The following ADAMTS6 variants were observed in gnomAD, a reference collection of about 807,000 sequenced individuals.
ADAMTS6 encodes A disintegrin and metalloproteinase with thrombospondin motifs 6.
ADAMTS6 carries 23 observed loss-of-function variants against 144.3 expected under a neutral mutation model. The observed-to-expected ratio is 0.16, with a 90% CI of 0.11 to 0.23. The LOEUF (loss-of-function observed/expected upper bound fraction) is 0.23, where lower values mean the gene tolerates loss of function less well. Among genes scored for constraint, ADAMTS6 ranks in the 10% least tolerant of loss-of-function variants. The pLI is 1.00. For missense variants in ADAMTS6, 999 were observed against 1,379.6 expected, an observed-to-expected ratio of 0.72 and a Z score of 4.37; for synonymous variants, 444 against 457.5, an observed-to-expected ratio of 0.97 and a Z score of 0.38.
At chr5:65,359,763 C>A (rs1446846255) in intron 7 of ADAMTS6, among the ~76,000 whole-genome samples, 1 of 151,300 alleles carries the variant, frequency 6.6e-6, no homozygotes, top group African/African-American at 2.4e-5. Context: ...AAGCCAGGCA[C>A]AGAGAGACAA....
intron 22 of ADAMTS6, among the ~76,000 whole-genome samples, chr5:65,179,021 C>G (rs573431333): frequency 6.9e-6 from 1 of 145,222 alleles, no homozygotes; most frequent in Non-Finnish European, 1.6e-5. Context: ...CTAACGCCTA[C>G]AAAGTGACTC....
intron 1 of ADAMTS6, among the ~76,000 whole-genome samples, chr5:65,478,949 C>T (rs1761025915): frequency 6.6e-6 from 1 of 152,144 alleles, no homozygotes; most frequent in East Asian, 1.9e-4. Context: ...AGTAGTCTGC[C>T]CTGATTGGAG....
At chr5:65,212,654 G>A (rs1391850338) in intron 20 of ADAMTS6, among the ~76,000 whole-genome samples, 2 of 151,804 alleles carry the variant, frequency 1.3e-5, no homozygotes, top group Non-Finnish European at 2.9e-5. Flanking sequence ...AGGATTGAAG[G>A]AACATTAAGA....
intron 22 of ADAMTS6, among the ~76,000 whole-genome samples, chr5:65,181,056 CAAACTT>C (rs1754319886): frequency 6.6e-6 from 1 of 152,170 alleles, no homozygotes; most frequent in African/African-American, 2.4e-5. Flanking sequence ...AATGAGAAAA[CAAACTT>C]AGAGTGACTG....
At chr5:65,216,612 G>A (rs537910339) in intron 18 of ADAMTS6, among the ~76,000 whole-genome samples, 1 of 152,064 alleles carries the variant, frequency 6.6e-6, no homozygotes, top group Admixed American at 6.5e-5. Context: ...TGCCAGATGG[G>A]TAAATATTTA....
chr5:65,297,591 C>T (rs1742965354), intron 10 of ADAMTS6, among the ~76,000 whole-genome samples: 1 of 152,150 alleles, frequency 6.6e-6, no homozygotes, highest in African/African-American at 2.4e-5. Flanking sequence ...TAACCTCAAT[C>T]CCTGATCAAA....
chr5:65,389,791 C>A (rs545323200), intron 7 of ADAMTS6, among the ~76,000 whole-genome samples: 87 of 152,134 alleles, frequency 5.7e-4, no homozygotes, highest in African/African-American at 2.0e-3. Context: ...AGTTTTCAGG[C>A]TTTATATGGC....
chr5:65,372,905 A>C (rs912493727), intron 7 of ADAMTS6, among the ~76,000 whole-genome samples: 1 of 151,600 alleles, frequency 6.6e-6, no homozygotes, highest in African/African-American at 2.4e-5. Flanking sequence ...ATAACAAACT[A>C]TCTCTCAGAC....
chr5:65,294,860 CCTAA>C (rs1742680014), intron 10 of ADAMTS6, among the ~76,000 whole-genome samples: 1 of 151,370 alleles, frequency 6.6e-6, no homozygotes, highest in Admixed American at 6.6e-5. Flanking sequence ...TAACTACTAT[CCTAA>C]CTTTTTATAA....
chr5:65,175,198 AAG>A (rs991502035), intron 22 of ADAMTS6, among the ~76,000 whole-genome samples: 4 of 151,784 alleles, frequency 2.6e-5, no homozygotes, highest in Admixed American at 6.6e-5. Context: ...CAGAGGAGGA[AAG>A]AGAGAGAAAA....
At chr5:65,471,601 C>A (rs920106327) in intron 2 of ADAMTS6, among the ~76,000 whole-genome samples, 8 of 151,788 alleles carry the variant, frequency 5.3e-5, no homozygotes, top group African/African-American at 1.9e-4. Context: ...ACTAAAAATA[C>A]AAAAAAATTA....
chr5:65,393,070 C>T lies in ADAMTS6; in HGVS notation c.1073+58405G>A, dbSNP rs566759858. Reference sequence around the variant, plus strand: ...CTCATTTATAGTCATTCATTGCAAGCCAACTTTGAAAATTAGTTCAAATAC... The same window carrying T: ...CTCATTTATAGTCATTCATTGCAAGTCAACTTTGAAAATTAGTTCAAATAC... On this transcript the variant is annotated intron_variant, in intron 7 of 24. Coordinates refer to ENST00000381055, the MANE Select transcript of ADAMTS6 (RefSeq NM_197941.4). 5.5e-4 allele frequency among the ~76,000 whole-genome samples: 83 copies of T among 152,194 alleles called. No individual in the cohort carries two copies. The South Asian group carries it at 0.017, about 31-fold the overall frequency.
chr5:65,179,822 C>T (rs1754225103), intron 22 of ADAMTS6, among the ~76,000 whole-genome samples: 1 of 152,192 alleles, frequency 6.6e-6, no homozygotes, highest in African/African-American at 2.4e-5. Flanking sequence ...GTGTCCCTAA[C>T]ACCATCAGCC....
intron 17 of ADAMTS6, 48 bp from the exon 18 acceptor site, chr5:65,224,448 G>A: frequency 6.8e-7 from 1 of 1,477,634 alleles, no homozygotes. Context: ...GTCAGGAAAT[G>A]AGTATTTGGT....
chr5:65,465,444 C>T (rs1759924686), intron 3 of ADAMTS6, among the ~76,000 whole-genome samples: 1 of 113,066 alleles, frequency 8.8e-6, no homozygotes, highest in South Asian at 3.5e-4. Flanking sequence ...CAGCACCCCT[C>T]ACTCTACCTA....
intron 3 of ADAMTS6, among the ~76,000 whole-genome samples, chr5:65,463,477 A>T (rs543504369): frequency 1.3e-4 from 20 of 152,156 alleles, no homozygotes; most frequent in Non-Finnish European, 2.9e-4. Flanking sequence ...TAGTGGGAGT[A>T]CCAGAAATCT....
At chr5:65,456,160 T>C (rs1210443738) in intron 4 of ADAMTS6, among the ~76,000 whole-genome samples, 1 of 152,042 alleles carries the variant, frequency 6.6e-6, no homozygotes, top group Non-Finnish European at 1.5e-5. Flanking sequence ...TAATTGCCAA[T>C]TGACTTCTTA....
chr5:65,456,363 A>C (rs1759203127), intron 4 of ADAMTS6, among the ~76,000 whole-genome samples: 1 of 151,438 alleles, frequency 6.6e-6, no homozygotes, highest in African/African-American at 2.5e-5. Flanking sequence ...CAACACAATA[A>C]CTTTTTCCCA....
chr5:65,370,712 T>C (rs1156240140), intron 7 of ADAMTS6, among the ~76,000 whole-genome samples: 2 of 152,176 alleles, frequency 1.3e-5, no homozygotes, highest in South Asian at 2.1e-4. Flanking sequence ...GCGCCCACCA[T>C]TGCCCAGGCT....
Sources: gnomAD v4.1 joint callset for allele counts (sites outside exome capture counted in the v4.1 genomes callset) on GRCh38, gnomAD v4.1.1 for gene constraint, MANE v1.5 for transcripts, NCBI Gene and HGNC (gene_info 2026-07-23, HGNC 2026-07-21) for gene names.